RIMS2: variants seen among roughly 807,000 people sequenced by gnomAD.
RIMS2 encodes regulating synaptic membrane exocytosis 2.
Under a neutral mutation model 174.4 loss-of-function variants are expected in RIMS2, and 59 were observed. The ratio of observed to expected loss-of-function variants is 0.34; its 90% CI spans 0.27 to 0.42. The LOEUF (loss-of-function observed/expected upper bound fraction) is 0.42. Among genes scored for constraint, RIMS2 ranks in the 10% least tolerant of loss-of-function variants. The probability of loss-of-function intolerance (pLI) is 1.00; values close to 1 mark genes in which losing one functional copy is unlikely to be tolerated. For synonymous variants in RIMS2, 606 were observed against 572.5 expected (o/e 1.06, Z -0.84); for missense variants, 1,620 against 1,666.3 (o/e 0.97, Z 0.48).
intron 1 of RIMS2, among the ~76,000 whole-genome samples, chr8:103,633,070 A>T (rs2095980694): frequency 6.8e-6 from 1 of 148,148 alleles, no homozygotes; most frequent in African/African-American, 2.5e-5. Flanking sequence ...TGTGTCACCC[A>T]GGCTGGAGTG....
chr8:103,564,906 G>T (rs531911372), intron 1 of RIMS2, among the ~76,000 whole-genome samples: 1 of 152,272 alleles, frequency 6.6e-6, no homozygotes, highest in East Asian at 1.9e-4. Context: ...TTAGGAATTA[G>T]GTGTGGTAGG....
At chr8:104,104,947 A>G (rs1483539607) in intron 19 of RIMS2, among the ~76,000 whole-genome samples, 1 of 152,150 alleles carries the variant, frequency 6.6e-6, no homozygotes, top group Non-Finnish European at 1.5e-5. Context: ...CTATTCTATT[A>G]GTTGAAATAT....
intron 17 of RIMS2, among the ~76,000 whole-genome samples, chr8:103,996,085 G>T (rs984301453): frequency 3.9e-5 from 6 of 151,918 alleles, no homozygotes; most frequent in African/African-American, 1.2e-4. Flanking sequence ...GGGGATTAAA[G>T]AATTACGTTA....
chr8:103,880,387 C>G, intron 3 of RIMS2: 1 of 279,162 alleles, frequency 3.6e-6, no homozygotes, highest in Non-Finnish European at 6.6e-6. Context: ...TGACCTGGAG[C>G]TATATACAGC....
intron 4 of RIMS2, among the ~76,000 whole-genome samples, chr8:103,906,180 AT>A (rs1388903827): frequency 6.6e-6 from 1 of 152,038 alleles, no homozygotes; most frequent in Non-Finnish European, 1.5e-5. Flanking sequence ...AGGGACACTA[AT>A]TTTACTTATT....
intron 19 of RIMS2, among the ~76,000 whole-genome samples, chr8:104,236,484 A>G (rs2099259341): frequency 6.6e-6 from 1 of 152,084 alleles, no homozygotes; most frequent in Admixed American, 6.6e-5. Flanking sequence ...TAAAATGTGT[A>G]TTAAGTCTAT....
At chr8:104,132,795 G>C (rs1246619249) in intron 19 of RIMS2, among the ~76,000 whole-genome samples, 1 of 152,154 alleles carries the variant, frequency 6.6e-6, no homozygotes, top group East Asian at 1.9e-4. Context: ...TGAAGACTTA[G>C]TATTTTTTCA....
intron 10 of RIMS2, chr8:103,922,104 T>C (rs1462910614): frequency 5.6e-6 from 1 of 178,132 alleles, no homozygotes; most frequent in Non-Finnish European, 1.2e-5. Flanking sequence ...TTGTCATAGA[T>C]TTTTAAGAGA....
intron 19 of RIMS2, among the ~76,000 whole-genome samples, chr8:104,196,812 A>G (rs2099026861): frequency 6.6e-6 from 1 of 152,216 alleles, no homozygotes; most frequent in Non-Finnish European, 1.5e-5. Flanking sequence ...GTATAACTTT[A>G]AAGTTTTAAG....
rs563096804 is a variant in RIMS2, at chr8:103,753,907, G to GT, written c.388-12314dup. Among the ~76,000 whole-genome samples, 348 of 152,112 alleles carry GT rather than the reference G, an allele frequency of 2.3e-3. 2 individuals are homozygous for GT. The highest frequency in any genetic ancestry group is 8.0e-3 in the African/African-American group (331 of 41,502). On this transcript the variant is annotated intron_variant, in intron 2 of 23. Transcript: ENST00000504942. The stretch of plus-strand genomic sequence containing the variant: ...CCTGGATTCACTGATTTTTTCAAGG[G>GT]TTTTTTGTGTCTCTATCTCCTTCAG...
intron 19 of RIMS2, among the ~76,000 whole-genome samples, chr8:104,178,563 A>G (rs1449285361): frequency 1.3e-5 from 2 of 152,158 alleles, no homozygotes; most frequent in Non-Finnish European, 2.9e-5. Flanking sequence ...TGTTAACACC[A>G]TTACCTAGTC....
intron 1 of RIMS2, among the ~76,000 whole-genome samples, chr8:103,524,703 C>G (rs1221836152): frequency 6.6e-6 from 1 of 152,270 alleles, no homozygotes; most frequent in African/African-American, 2.4e-5. Context: ...TCCAGAAAAC[C>G]TATAGTCCTG....
At chr8:104,075,860 C>T (rs959285314) in intron 19 of RIMS2, among the ~76,000 whole-genome samples, 1 of 152,130 alleles carries the variant, frequency 6.6e-6, no homozygotes, top group African/African-American at 2.4e-5. Flanking sequence ...CTATACTCCC[C>T]ACCTCTCCAC....
chr8:103,547,752 T>C (rs972482368), intron 1 of RIMS2, among the ~76,000 whole-genome samples: 6 of 152,124 alleles, frequency 3.9e-5, no homozygotes, highest in Non-Finnish European at 7.4e-5. Flanking sequence ...ATAAGAATGA[T>C]AGCTTGCTAG....
At chr8:104,041,272 C>G in intron 19 of RIMS2, 54 bp from the exon 22 acceptor site, 1 of 618,100 alleles carries the variant, frequency 1.6e-6, no homozygotes. Context: ...TGAGTACATC[C>G]ACTCACTCCC....
intron 19 of RIMS2, among the ~76,000 whole-genome samples, chr8:104,234,518 C>T (rs2099248757): frequency 6.6e-6 from 1 of 151,334 alleles, no homozygotes; most frequent in Non-Finnish European, 1.5e-5. Context: ...TGGGCTTTTA[C>T]TTTATCCCCT....
At chr8:103,734,269 C>T (rs2139039134) in intron 2 of RIMS2, among the ~76,000 whole-genome samples, 1 of 150,852 alleles carries the variant, frequency 6.6e-6, no homozygotes, top group Non-Finnish European at 1.5e-5. Context: ...CCTCGGCCTC[C>T]CAAAGTGTTG....
At chr8:103,939,011 C>T (rs1035100458) in intron 13 of RIMS2, among the ~76,000 whole-genome samples, 10 of 152,150 alleles carry the variant, frequency 6.6e-5, no homozygotes, top group Admixed American at 1.3e-4. Context: ...CATGGGCTGG[C>T]GCTGAGTGTC....
At chr8:103,605,963 A>T (rs1197256819) in intron 1 of RIMS2, among the ~76,000 whole-genome samples, 1 of 146,192 alleles carries the variant, frequency 6.8e-6, no homozygotes, top group Non-Finnish European at 1.5e-5. Context: ...TCCTGGATTA[A>T]TTAATTTTTT....
Sources: allele counts gnomAD v4.1 joint callset (sites outside exome capture counted in the v4.1 genomes callset), GRCh38; gene constraint gnomAD v4.1.1; transcripts MANE v1.5; gene names NCBI Gene and HGNC (gene_info 2026-07-23, HGNC 2026-07-21).